CAMK1D: variants seen among roughly 807,000 people sequenced by gnomAD.
CAMK1D encodes the protein calcium/calmodulin-dependent protein kinase type 1D.
A neutral mutation model predicts 47.7 loss-of-function variants in CAMK1D; 9 were observed. The ratio of observed to expected loss-of-function variants is 0.19; its 90% CI spans 0.11 to 0.33. The LOEUF is 0.33. Among genes scored for constraint, CAMK1D ranks in the 10% least tolerant of loss-of-function variants. CAMK1D has a pLI of 1.00. For synonymous variants in CAMK1D, 184 were observed against 184.9 expected, an observed-to-expected ratio of 0.99 and a Z score of 0.04; for missense variants, 291 against 488.7, an observed-to-expected ratio of 0.60 and a Z score of 3.81.
At chr10:12,451,116 G>A (rs1367276118) in intron 1 of CAMK1D, among the ~76,000 whole-genome samples, 1 of 152,214 alleles carries the variant, frequency 6.6e-6, no homozygotes, top group Non-Finnish European at 1.5e-5. Flanking sequence ...GGCCAGGCAG[G>A]TGGAGATCAA....
rs373124897 is a variant in CAMK1D, at chr10:12,671,955, G to T, written c.299+5145G>T. Among the ~76,000 whole-genome samples the T allele has an allele frequency of 1.8e-3, 235 of 132,888 alleles. 1 individual carries two copies. In the Middle Eastern group the frequency reaches 0.023, roughly 13 times the overall value. 87.2% of individuals were successfully genotyped at this position (132,888 alleles called of 152,430 possible). ...TTTTAAGATGGAGTCTCAGTCTGTCGCCCAGGCTGGAGTGCAGTGGCGTGA... is the reference window on the plus strand; with the variant it reads ...TTTTAAGATGGAGTCTCAGTCTGTCTCCCAGGCTGGAGTGCAGTGGCGTGA... On this transcript the variant is annotated intron_variant, in intron 3 of 10. Coordinates refer to ENST00000619168, the MANE Select transcript of CAMK1D (RefSeq NM_153498.4).
intron 1 of CAMK1D, among the ~76,000 whole-genome samples, chr10:12,412,367 T>G (rs1366655160): frequency 6.8e-6 from 1 of 147,126 alleles, no homozygotes; most frequent in Non-Finnish European, 1.5e-5. Flanking sequence ...CCCAGCACTT[T>G]GGGAGGCTGA....
At chr10:12,658,276 AGAC>A (rs1317869710) in intron 2 of CAMK1D, among the ~76,000 whole-genome samples, 2 of 152,202 alleles carry the variant, frequency 1.3e-5, no homozygotes, top group Non-Finnish European at 2.9e-5. Context: ...TTTCGTAAGA[AGAC>A]AGGAGAGTGA....
intron 5 of CAMK1D, among the ~76,000 whole-genome samples, chr10:12,788,218 C>T (rs1837819345): frequency 8.5e-5 from 2 of 23,652 alleles, no homozygotes; most frequent in Admixed American, 2.1e-3. Flanking sequence ...GAGATGGGGC[C>T]TCACTCTTGT....
At chr10:12,541,637 G>T (rs963053583) in intron 1 of CAMK1D, among the ~76,000 whole-genome samples, 13 of 152,216 alleles carry the variant, frequency 8.5e-5, no homozygotes, top group African/African-American at 3.1e-4. Flanking sequence ...TGGGATTACA[G>T]GCGTGAGCCA....
chr10:12,417,735 C>T (rs992836867), intron 1 of CAMK1D, among the ~76,000 whole-genome samples: 1 of 152,044 alleles, frequency 6.6e-6, no homozygotes, highest in Non-Finnish European at 1.5e-5. Flanking sequence ...GGAGTGGCTA[C>T]ACTCTTATGT....
chr10:12,769,949 A>G (rs1836964754), intron 5 of CAMK1D, 150 bp downstream of exon 5: 1 of 850,650 alleles, frequency 1.2e-6, no homozygotes. Context: ...GAAAGAATAA[A>G]AAGATTGAGG....
chr10:12,747,220 C>T lies in CAMK1D; in HGVS notation c.300-13728C>T, dbSNP rs748097586. On this transcript the variant is annotated intron_variant, in intron 3 of 10. Coordinates refer to ENST00000619168, the MANE Select transcript of CAMK1D (RefSeq NM_153498.4). ...CTAATTTTTGTATTTTTAGTAGAGA[C>T]GGGGTTTCACCGTGTTGGCCAGAAT... 3.8e-4 allele frequency among the ~76,000 whole-genome samples: 58 copies of T among 151,912 alleles called. 1 individual carries two copies. Among genetic ancestry groups the T allele is most frequent in the South Asian group, 8.3e-4 (4 of 4,820 alleles).
chr10:12,700,094 T>C lies in CAMK1D; in HGVS notation c.299+33284T>C, dbSNP rs186227576. Among the ~76,000 whole-genome samples, 373 of 152,298 alleles carry C rather than the reference T, an allele frequency of 2.4e-3. 1 individual carries two copies. Among genetic ancestry groups the C allele is most frequent in the African/African-American group, 8.7e-3 (363 of 41,544 alleles). On this transcript the variant is annotated intron_variant, in intron 3 of 10. Coordinates refer to ENST00000619168, the MANE Select transcript of CAMK1D (RefSeq NM_153498.4). Reference sequence around the variant, plus strand: ...TAGTATATTTTTGATTCATTTAGCATCGAGTTCACAGCCAACAGCACAATA... The same window carrying C: ...TAGTATATTTTTGATTCATTTAGCACCGAGTTCACAGCCAACAGCACAATA...
At chr10:12,470,765 C>T (rs1348931745) in intron 1 of CAMK1D, among the ~76,000 whole-genome samples, 6 of 152,182 alleles carry the variant, frequency 3.9e-5, no homozygotes, top group African/African-American at 1.4e-4. Context: ...GATACACCCA[C>T]CTCCGGCTCC....
chr10:12,773,161 G>C (rs1837119451), intron 5 of CAMK1D, among the ~76,000 whole-genome samples: 1 of 152,168 alleles, frequency 6.6e-6, no homozygotes, highest in African/African-American at 2.4e-5. Context: ...TGAAATCTTT[G>C]TGCAGACACT....
intron 1 of CAMK1D, among the ~76,000 whole-genome samples, chr10:12,517,809 G>A (rs1392754859): frequency 6.6e-6 from 1 of 152,066 alleles, no homozygotes; most frequent in Non-Finnish European, 1.5e-5. Context: ...CTGTGCTCAT[G>A]GAGAATATTG....
chr10:12,730,183 A>T (rs1361150388), intron 3 of CAMK1D, among the ~76,000 whole-genome samples: 1 of 152,104 alleles, frequency 6.6e-6, no homozygotes, highest in Admixed American at 6.6e-5. Flanking sequence ...TTAGGCCAGG[A>T]TGGTTGCCAG....
chr10:12,493,378 T>G (rs1111370), intron 1 of CAMK1D, among the ~76,000 whole-genome samples: 1 of 152,154 alleles, frequency 6.6e-6, no homozygotes, highest in Admixed American at 6.5e-5. Flanking sequence ...GAAACTTCCA[T>G]GATCGCTGAG....
chr10:12,773,224 C>T (rs571514752), intron 5 of CAMK1D, among the ~76,000 whole-genome samples: 26 of 152,326 alleles, frequency 1.7e-4, no homozygotes, highest in African/African-American at 6.3e-4. Context: ...TGTTTTCTTT[C>T]TCTCTTCCCC....
At chr10:12,784,726 A>G (rs1308537411) in intron 5 of CAMK1D, among the ~76,000 whole-genome samples, 1 of 152,028 alleles carries the variant, frequency 6.6e-6, no homozygotes, top group African/African-American at 2.4e-5. Flanking sequence ...GTCCTGTGTT[A>G]TTTTTTCTTG....
At position 12,397,329 on chromosome 10, in the gene CAMK1D, T is replaced by C. The variant is rs534076273; in HGVS notation, c.92+47419T>C. On this transcript the variant is annotated intron_variant, in intron 1 of 10. Coordinates refer to ENST00000619168, the MANE Select transcript of CAMK1D (RefSeq NM_153498.4). ...GACCTTTGGTTCCGTCTGCTTTGTG[T>C]GTCCTTGACCCTTGGAGCCTTCTAA... Among the ~76,000 whole-genome samples, 3 of 152,348 alleles carry C rather than the reference T, an allele frequency of 2.0e-5. No homozygotes were observed. The South Asian group carries it at 6.2e-4, about 32-fold the overall frequency.
intron 1 of CAMK1D, among the ~76,000 whole-genome samples, chr10:12,356,615 C>T (rs955767933): frequency 1.3e-5 from 2 of 151,154 alleles, no homozygotes; most frequent in East Asian, 3.9e-4. Flanking sequence ...CCAGCTACTC[C>T]GGAGGCCGAG....
chr10:12,626,808 A>C (rs1179118560), intron 2 of CAMK1D, among the ~76,000 whole-genome samples: 1 of 151,962 alleles, frequency 6.6e-6, no homozygotes, highest in African/African-American at 2.4e-5. Flanking sequence ...TATTTCTACT[A>C]CTATTTCTTG....
Sources: allele counts gnomAD v4.1 joint callset (sites outside exome capture counted in the v4.1 genomes callset), GRCh38; gene constraint gnomAD v4.1.1; transcripts MANE v1.5; gene names NCBI Gene and HGNC (gene_info 2026-07-23, HGNC 2026-07-21).